The following SPON1 variants were observed in gnomAD, a reference collection of about 807,000 sequenced individuals.
The protein encoded by SPON1 is spondin 1.
SPON1 carries 52 observed loss-of-function variants against 111.7 expected under a neutral mutation model. The observed-to-expected ratio is 0.47, with a 90% CI of 0.37 to 0.59. The LOEUF (loss-of-function observed/expected upper bound fraction) is 0.59. Ranked by LOEUF, SPON1 falls within the 20% of genes least tolerant of loss-of-function variation. SPON1 has a pLI of 0.00. For missense variants in SPON1, 957 were observed against 1,068.5 expected, an observed-to-expected ratio of 0.90 and a Z score of 1.46; for synonymous variants, 410 against 395.8, an observed-to-expected ratio of 1.04 and a Z score of -0.43.
intron 6 of SPON1, among the ~76,000 whole-genome samples, chr11:14,160,945 T>TTATATATTTA (rs1396971999): frequency 5.0e-5 from 2 of 40,336 alleles, no homozygotes; most frequent in Non-Finnish European, 8.5e-5. Context: ...ATATATATAT[T>TTATATATTTA]TATATATTTA....
chr11:14,117,671 C>T (rs994055759), intron 5 of SPON1, among the ~76,000 whole-genome samples: 3 of 152,136 alleles, frequency 2.0e-5, no homozygotes, highest in Non-Finnish European at 4.4e-5. Flanking sequence ...TTTTTTTCTA[C>T]CTGGGCTGAC....
chr11:14,190,619 C>CTCCTT lies in SPON1; in HGVS notation c.826-52712_826-52711insCCTTT, dbSNP rs782187730. Among the ~76,000 whole-genome samples the CTCCTT allele has an allele frequency of 9.4e-5, 14 of 148,626 alleles. No individual in the cohort carries two copies. In the East Asian group the frequency reaches 2.8e-3, roughly 30 times the overall value. On this transcript the variant is annotated intron_variant, in intron 6 of 15. Transcript: ENST00000576479. ...TTCTTCCTTCCTCCTTCCTCCCTTG[C>CTCCTT]TTCTTTTCTTTTCTTTTTCTTTTTC...
At position 14,259,713 on chromosome 11, in the gene SPON1, CG is replaced by C. The variant is rs1258785658; in HGVS notation, c.1831+17del. The C allele has an allele frequency of 6.4e-7, 1 of 1,565,356 alleles. No individual in the cohort carries two copies. The highest frequency in any genetic ancestry group is 8.7e-7 in the Non-Finnish European group (1 of 1,155,054). ...GATGCCAGAGTGCCGTGAGTGAGAGCGGGGGTGGACTTGGAGGAGGCCACTG... is the reference window on the plus strand; with the variant it reads ...GATGCCAGAGTGCCGTGAGTGAGAGCGGGGTGGACTTGGAGGAGGCCACTG... On this transcript the variant is annotated intron_variant, in intron 13 of 15. Coordinates refer to ENST00000576479, the MANE Select transcript of SPON1 (RefSeq NM_006108.4). This position sits in a 1 kb window ranked among gnomAD's most constrained non-coding sequence, Gnocchi z 5.0.
intron 6 of SPON1, among the ~76,000 whole-genome samples, chr11:14,225,376 A>G (rs1214065945): frequency 6.6e-6 from 1 of 152,206 alleles, no homozygotes; most frequent in East Asian, 1.9e-4. Flanking sequence ...TTTTAAAAAA[A>G]CAAAACTATA....
At chr11:14,122,946 T>A (rs1847411855) in intron 5 of SPON1, among the ~76,000 whole-genome samples, 1 of 151,204 alleles carries the variant, frequency 6.6e-6, no homozygotes, top group Non-Finnish European at 1.5e-5. Flanking sequence ...TTTTTTTTTT[T>A]TTTTTGAGAC....
intron 2 of SPON1, among the ~76,000 whole-genome samples, chr11:14,037,900 G>A (rs1230952834): frequency 1.3e-5 from 2 of 152,176 alleles, no homozygotes; most frequent in African/African-American, 4.8e-5. Context: ...GGCCAGGCGC[G>A]GTGGGTCTTA....
At chr11:14,090,289 G>A (rs1255102354) in intron 5 of SPON1, among the ~76,000 whole-genome samples, 6 of 151,902 alleles carry the variant, frequency 3.9e-5, no homozygotes, top group African/African-American at 1.2e-4. Flanking sequence ...GGCCCTGGAC[G>A]TGTAGGCACA....
chr11:13,963,052 G>C lies in SPON1; in HGVS notation c.148G>C (p.Ala50Pro), dbSNP rs781900983. 1.1e-5 allele frequency: 18 copies of C among 1,580,092 alleles called. No homozygotes were observed. The highest frequency in any genetic ancestry group is 1.5e-5 in the Non-Finnish European group (17 of 1,164,652). Residue 50 changes from alanine (A) to proline (P), a missense_variant, in exon 1 of 16, where the codon GCC becomes CCC. By Grantham distance (27) the Ala-to-Pro change is conservative. Coordinates refer to ENST00000576479, the MANE Select transcript of SPON1 (RefSeq NM_006108.4). ...SEGYCSRILR[A>P]QGTRREGYTE... is the part of the protein sequence containing the mutation. Reference sequence around the variant, plus strand: ...GGGCTACTGCAGCCGTATCCTGCGCGCCCAGGGCACGCGGCGCGAGGGCTA... The same window carrying C: ...GGGCTACTGCAGCCGTATCCTGCGCCCCCAGGGCACGCGGCGCGAGGGCTA...
At chr11:14,097,702 C>A (rs973913259) in intron 5 of SPON1, among the ~76,000 whole-genome samples, 1 of 152,142 alleles carries the variant, frequency 6.6e-6, no homozygotes, top group African/African-American at 2.4e-5. Context: ...TCCTTGAACC[C>A]ATGGTTAAGG....
At chr11:13,998,891 C>T (rs1011153559) in intron 2 of SPON1, among the ~76,000 whole-genome samples, 2 of 152,284 alleles carry the variant, frequency 1.3e-5, no homozygotes, top group Non-Finnish European at 2.9e-5. Flanking sequence ...ATAGACAATA[C>T]ATAACTTTTA....
At chr11:13,967,339 C>G (rs1270324797) in intron 1 of SPON1, among the ~76,000 whole-genome samples, 4 of 152,260 alleles carry the variant, frequency 2.6e-5, no homozygotes, top group Middle Eastern at 3.4e-3. Flanking sequence ...AGGAGAATTA[C>G]TTTATATTAC....
chr11:13,969,215 CAAAAAAAAAAAA>C, intron 1 of SPON1, among the ~76,000 whole-genome samples: 1 of 106,950 alleles, frequency 9.4e-6, no homozygotes, highest in South Asian at 3.5e-4. Flanking sequence ...CCCATCTCTA[CAAAAAAAAAAAA>C]AAAAAAAAAT....
In SPON1 at chr11:14,259,706, G is replaced by A; in HGVS notation, c.1831+5G>A. ...AGTGCATGATGCCAGAGTGCCGTGAGTGAGAGCGGGGGTGGACTTGGAGGA... is the reference window on the plus strand; with the variant it reads ...AGTGCATGATGCCAGAGTGCCGTGAATGAGAGCGGGGGTGGACTTGGAGGA... On this transcript the variant is annotated splice_donor_5th_base_variant and intron_variant, in intron 13 of 15. Coordinates refer to ENST00000576479, the MANE Select transcript of SPON1 (RefSeq NM_006108.4). The surrounding 1 kb of genome is among the most constrained non-coding windows in gnomAD (Gnocchi z 5.0). The A allele has an allele frequency of 1.3e-6, 2 of 1,568,900 alleles. No homozygotes were observed. Among genetic ancestry groups the A allele is most frequent in the Non-Finnish European group, 1.7e-6 (2 of 1,157,132 alleles).
At chr11:14,041,743 T>C (rs1313053646) in intron 3 of SPON1, 89 bp downstream of exon 3, 50 of 1,479,570 alleles carry the variant, frequency 3.4e-5, no homozygotes, top group Non-Finnish European at 1.6e-5. Flanking sequence ...TTACTGAGCA[T>C]CAGAAAGTTG....
At chr11:13,990,785 A>C (rs1462714529) in intron 2 of SPON1, among the ~76,000 whole-genome samples, 3 of 152,064 alleles carry the variant, frequency 2.0e-5, no homozygotes, top group African/African-American at 7.2e-5. Flanking sequence ...AAAATCTCTC[A>C]GCATTTGCTT....
chr11:13,998,204 GAATCAGAGC>G (rs1312231860), intron 2 of SPON1, among the ~76,000 whole-genome samples: 11 of 152,156 alleles, frequency 7.2e-5, no homozygotes, highest in Admixed American at 6.5e-4. Flanking sequence ...AACACTGAGG[GAATCAGAGC>G]ATTGATCGAT....
intron 6 of SPON1, among the ~76,000 whole-genome samples, chr11:14,151,000 A>C (rs995900845): frequency 6.6e-6 from 1 of 152,170 alleles, no homozygotes; most frequent in Non-Finnish European, 1.5e-5. Flanking sequence ...TCATTAACTG[A>C]TCATGTTAGG....
intron 6 of SPON1, among the ~76,000 whole-genome samples, chr11:14,202,729 A>G (rs886226630): frequency 6.6e-6 from 1 of 152,132 alleles, no homozygotes; most frequent in Non-Finnish European, 1.5e-5. Context: ...GTCTTTTACC[A>G]TGATTTTTGC....
intron 1 of SPON1, among the ~76,000 whole-genome samples, chr11:13,972,750 T>C (rs190775529): frequency 8.5e-5 from 13 of 152,344 alleles, no homozygotes; most frequent in African/African-American, 3.1e-4. Flanking sequence ...GTGATTCTTG[T>C]AGTTTAGGCA....
Sources: allele counts gnomAD v4.1 joint callset (sites outside exome capture counted in the v4.1 genomes callset), GRCh38; gene constraint gnomAD v4.1.1; non-coding constraint Gnocchi (gnomAD v3.1); transcripts MANE v1.5; gene names NCBI Gene and HGNC (gene_info 2026-07-23, HGNC 2026-07-21).